PTPRD: variants seen among roughly 807,000 people sequenced by gnomAD.
PTPRD encodes the protein protein tyrosine phosphatase receptor type D, also known as receptor-type tyrosine-protein phosphatase delta.
PTPRD carries 34 observed loss-of-function variants against 214.5 expected under a neutral mutation model. The observed-to-expected ratio is 0.16, with a 90% CI of 0.12 to 0.21. The LOEUF (loss-of-function observed/expected upper bound fraction) is 0.21. Ranked by LOEUF, PTPRD falls within the 10% of genes least tolerant of loss-of-function variation. PTPRD has a pLI of 1.00. For missense variants in PTPRD, 2,545 were observed against 2,398.7 expected, an observed-to-expected ratio of 1.06 and a Z score of -1.27; for synonymous variants, 1,128 against 845.7, an observed-to-expected ratio of 1.33 and a Z score of -5.79.
At chr9:8,606,054 T>G (rs776517051) in intron 14 of PTPRD, among the ~76,000 whole-genome samples, 18 of 152,182 alleles carry the variant, frequency 1.2e-4, no homozygotes, top group Non-Finnish European at 2.4e-4. Context: ...TCATTCCATT[T>G]TATGCTTTAT....
At chr9:8,740,393 A>G (rs982634952) in intron 11 of PTPRD, among the ~76,000 whole-genome samples, 5 of 152,220 alleles carry the variant, frequency 3.3e-5, no homozygotes, top group Non-Finnish European at 5.9e-5. Context: ...TCCTCATGAA[A>G]TAATTTGTAT....
chr9:9,867,919 A>G (rs1216350198), intron 5 of PTPRD, among the ~76,000 whole-genome samples: 1 of 152,220 alleles, frequency 6.6e-6, no homozygotes, highest in Non-Finnish European at 1.5e-5. Flanking sequence ...ATCTGGAAGG[A>G]GCCAAACATG....
At chr9:9,889,717 TG>T (rs2153771758) in intron 5 of PTPRD, among the ~76,000 whole-genome samples, 1 of 152,150 alleles carries the variant, frequency 6.6e-6, no homozygotes, top group Non-Finnish European at 1.5e-5. Context: ...TAGAGGGCCC[TG>T]GAGGGTCACA....
chr9:9,942,901 T>G (rs1200814702), intron 4 of PTPRD, among the ~76,000 whole-genome samples: 1 of 152,060 alleles, frequency 6.6e-6, no homozygotes, highest in East Asian at 1.9e-4. Context: ...AGTTGTTTTT[T>G]TTTTTTTTTA....
chr9:10,059,502 C>T (rs1032844562), intron 3 of PTPRD, among the ~76,000 whole-genome samples: 1 of 152,094 alleles, frequency 6.6e-6, no homozygotes, highest in Non-Finnish European at 1.5e-5. Flanking sequence ...TTCTTGCCAG[C>T]ATACTTTGGT....
At chr9:8,947,690 G>A (rs1202780277) in intron 11 of PTPRD, among the ~76,000 whole-genome samples, 1 of 151,970 alleles carries the variant, frequency 6.6e-6, no homozygotes, top group African/African-American at 2.4e-5. Flanking sequence ...TGATGGGTAG[G>A]TGGTACAATA....
In PTPRD at chr9:8,387,602, C is replaced by T. The variant is rs79580134; in HGVS notation, c.4386+1630G>A. ...TATAATAGTTCAGCTGTCTCAGTTTCACAGAAGTGTCAACAGGCAGTATGG... is the reference window on the plus strand; with the variant it reads ...TATAATAGTTCAGCTGTCTCAGTTTTACAGAAGTGTCAACAGGCAGTATGG... On this transcript the variant is annotated intron_variant, in intron 37 of 45. Coordinates refer to ENST00000381196, the MANE Select transcript of PTPRD (RefSeq NM_002839.4). Among the ~76,000 whole-genome samples the T allele has an allele frequency of 1.4e-4, 21 of 152,242 alleles. No homozygotes were observed. The East Asian group carries it at 3.9e-3, about 28-fold the overall frequency.
chr9:8,376,781 C>T (rs1342132437), intron 37 of PTPRD, 55 bp from the exon 38 acceptor site: 26 of 1,602,196 alleles, frequency 1.6e-5, no homozygotes, highest in East Asian at 2.2e-5. Flanking sequence ...TCTCTATTAA[C>T]TTTGCTTTGA....
chr9:10,162,774 T>TG (rs2099136935), intron 3 of PTPRD, among the ~76,000 whole-genome samples: 1 of 148,382 alleles, frequency 6.7e-6, no homozygotes, highest in Admixed American at 6.8e-5. Flanking sequence ...TATATGGAGC[T>TG]GGGGGCCTTG....
chr9:9,169,704 C>T (rs972805490), intron 10 of PTPRD, among the ~76,000 whole-genome samples: 15 of 152,094 alleles, frequency 9.9e-5, no homozygotes, highest in African/African-American at 2.7e-4. Context: ...AGATTTACTA[C>T]CATGTTTAAT....
intron 9 of PTPRD, among the ~76,000 whole-genome samples, chr9:9,227,792 C>G (rs1227239036): frequency 6.6e-6 from 1 of 152,110 alleles, no homozygotes; most frequent in Non-Finnish European, 1.5e-5. Context: ...AATGAGCCAT[C>G]TTGGAAATGG....
At chr9:9,234,965 C>T (rs539107997) in intron 9 of PTPRD, among the ~76,000 whole-genome samples, 29 of 152,298 alleles carry the variant, frequency 1.9e-4, no homozygotes, top group African/African-American at 7.0e-4. Context: ...CAGCAATGCC[C>T]CACTACCTCA....
intron 9 of PTPRD, among the ~76,000 whole-genome samples, chr9:9,286,186 A>G (rs771882197): frequency 5.3e-5 from 8 of 151,784 alleles, no homozygotes; most frequent in African/African-American, 1.4e-4. Flanking sequence ...TTCTACTTCA[A>G]ATATGTGTAG....
chr9:10,481,575 G>C (rs2099098191), intron 2 of PTPRD, among the ~76,000 whole-genome samples: 1 of 152,136 alleles, frequency 6.6e-6, no homozygotes, highest in African/African-American at 2.4e-5. Context: ...AGCCTCATGA[G>C]AAAGAAGTTA....
intron 7 of PTPRD, among the ~76,000 whole-genome samples, chr9:9,657,566 G>A (rs1369775852): frequency 2.6e-5 from 4 of 152,102 alleles, no homozygotes; most frequent in South Asian, 2.1e-4. Flanking sequence ...AAACATGCAC[G>A]TTGTGCATAT....
At chr9:9,272,183 C>T (rs998488335) in intron 9 of PTPRD, among the ~76,000 whole-genome samples, 1 of 151,116 alleles carries the variant, frequency 6.6e-6, no homozygotes, top group Non-Finnish European at 1.5e-5. Context: ...CTGCATACCC[C>T]AGAGGGTCGT....
rs2078273919 is a variant in PTPRD, at chr9:9,544,341, T to C, written c.-237+30391A>G. On this transcript the variant is annotated intron_variant, in intron 8 of 45. Transcript: ENST00000381196. Reference sequence around the variant, plus strand: ...AGGTTTCCTTATCAGAAAATATCATTTAATCAATGAAGGTTCCCAAAATAA... The same window carrying C: ...AGGTTTCCTTATCAGAAAATATCATCTAATCAATGAAGGTTCCCAAAATAA... 2.0e-5 allele frequency among the ~76,000 whole-genome samples: 3 copies of C among 151,806 alleles called. No individual in the cohort carries two copies. In the South Asian group the frequency reaches 6.2e-4, roughly 31 times the overall value.
rs560096624 is a variant in PTPRD, at chr9:9,860,966, G to A, written c.-368+77541C>T. On this transcript the variant is annotated intron_variant, in intron 5 of 45. Transcript: ENST00000381196. ...TGGGAAAAAGCTAAAATTGTGTATTGGATTATTAAAAAATAACAGAACTGT... is the reference window on the plus strand; with the variant it reads ...TGGGAAAAAGCTAAAATTGTGTATTAGATTATTAAAAAATAACAGAACTGT... 3.5e-4 allele frequency among the ~76,000 whole-genome samples: 54 copies of A among 152,160 alleles called. No individual in the cohort carries two copies. The South Asian group carries it at 0.011, about 30-fold the overall frequency.
Position 10,062,101 on chromosome 9 carries a change from G to T in PTPRD, c.-544-28311C>A, listed in dbSNP as rs115912115. Among the ~76,000 whole-genome samples, 943 of 152,112 alleles carry T rather than the reference G, an allele frequency of 6.2e-3. 8 individuals are homozygous for T. The highest frequency in any genetic ancestry group is 0.019 in the African/African-American group (806 of 41,528). On this transcript the variant is annotated intron_variant, in intron 3 of 45. Transcript: ENST00000381196. ...GACTCTCATACAATTTTCAACAATC[G>T]TATTTCAATTTACTCAACTCACTAA...
Sources: gnomAD v4.1 joint callset for allele counts (sites outside exome capture counted in the v4.1 genomes callset) on GRCh38, gnomAD v4.1.1 for gene constraint, MANE v1.5 for transcripts, NCBI Gene and HGNC (gene_info 2026-07-23, HGNC 2026-07-21) for gene names.